MIPEP: variants seen among roughly 807,000 people sequenced by gnomAD.
MIPEP encodes the protein mitochondrial intermediate peptidase.
In MIPEP, 79 loss-of-function variants were observed where a neutral mutation model predicts 90.3. That is an observed-to-expected ratio of 0.87 (90% confidence interval 0.73 to 1.05). MIPEP has a LOEUF of 1.05. Among genes scored for constraint, MIPEP ranks in the 50% least tolerant of loss-of-function variants. The probability of loss-of-function intolerance (pLI) is 0.00; values close to 1 mark genes in which losing one functional copy is unlikely to be tolerated. For synonymous variants in MIPEP, 334 were observed against 315.8 expected, an observed-to-expected ratio of 1.06 and a Z score of -0.61; for missense variants, 940 against 905.6, an observed-to-expected ratio of 1.04 and a Z score of -0.49.
At chr13:23,852,100 C>CA (rs1374645279) in intron 10 of MIPEP, among the ~76,000 whole-genome samples, 2 of 151,974 alleles carry the variant, frequency 1.3e-5, no homozygotes, top group African/African-American at 4.8e-5. Flanking sequence ...GATAATATGA[C>CA]AAAAAAGAGA....
intron 14 of MIPEP, among the ~76,000 whole-genome samples, chr13:23,817,166 CT>C (rs1157996403): frequency 6.6e-6 from 1 of 152,226 alleles, no homozygotes; most frequent in Non-Finnish European, 1.5e-5. Context: ...ACAGTTCAGA[CT>C]TTCATTAAGT....
intron 18 of MIPEP, among the ~76,000 whole-genome samples, chr13:23,749,119 T>C (rs1373501194): frequency 1.3e-5 from 2 of 152,210 alleles, no homozygotes; most frequent in Admixed American, 6.5e-5. Flanking sequence ...TATAAGACAA[T>C]GTAAAACGCC....
chr13:23,780,972 G>A (rs1331947432), intron 16 of MIPEP, among the ~76,000 whole-genome samples: 1 of 152,290 alleles, frequency 6.6e-6, no homozygotes, highest in South Asian at 2.1e-4. Context: ...CCAAATCTAC[G>A]TCTGATTGGT....
chr13:23,853,030 T>C (rs558873393), intron 10 of MIPEP, among the ~76,000 whole-genome samples: 16 of 152,334 alleles, frequency 1.1e-4, no homozygotes, highest in Non-Finnish European at 2.2e-4. Flanking sequence ...TGTTCATCTA[T>C]ACAATGTGCT....
chr13:23,762,099 T>C (rs917848982), intron 16 of MIPEP, among the ~76,000 whole-genome samples: 30 of 151,934 alleles, frequency 2.0e-4, no homozygotes, highest in African/African-American at 7.0e-4. Flanking sequence ...CACTCCAGCC[T>C]AGGCGACAGA....
intron 14 of MIPEP, among the ~76,000 whole-genome samples, chr13:23,812,909 T>C (rs966829835): frequency 6.6e-6 from 1 of 152,152 alleles, no homozygotes; most frequent in Non-Finnish European, 1.5e-5. Flanking sequence ...ACAATCCTAG[T>C]AGAATAGTGC....
At chr13:23,802,179 A>T (rs1459691824) in intron 16 of MIPEP, among the ~76,000 whole-genome samples, 1 of 152,160 alleles carries the variant, frequency 6.6e-6, no homozygotes, top group African/African-American at 2.4e-5. Context: ...GGAGTATTGT[A>T]ATGTGGTTTT....
At chr13:23,772,023 T>C (rs1393624557) in intron 16 of MIPEP, among the ~76,000 whole-genome samples, 3 of 151,576 alleles carry the variant, frequency 2.0e-5, no homozygotes, top group Non-Finnish European at 1.5e-5. Flanking sequence ...AAAAACAACT[T>C]CACCTCCAGG....
intron 16 of MIPEP, among the ~76,000 whole-genome samples, chr13:23,786,681 T>A (rs142410258): frequency 6.6e-6 from 1 of 152,144 alleles, no homozygotes; most frequent in Admixed American, 6.5e-5. Flanking sequence ...TTACTAGTAA[T>A]ACATGAATTG....
At position 23,882,740 on chromosome 13, in the gene MIPEP, A is replaced by C. The variant is rs181948461; in HGVS notation, c.364-953T>G. On this transcript the variant is annotated intron_variant, in intron 2 of 18. Transcript: ENST00000382172. ...AAATTTCTTAATTTTATTATCAAAT[A>C]GTTTTTAATGCCAAAACATTTAAAT... Among the ~76,000 whole-genome samples the C allele has an allele frequency of 2.0e-3, 306 of 152,354 alleles. 1 individual carries two copies. Among genetic ancestry groups the C allele is most frequent in the African/African-American group, 7.1e-3 (294 of 41,582 alleles).
chr13:23,804,118 C>T (rs528643686), intron 16 of MIPEP, among the ~76,000 whole-genome samples: 1 of 152,160 alleles, frequency 6.6e-6, no homozygotes, highest in Non-Finnish European at 1.5e-5. Flanking sequence ...TTGGTTGCCA[C>T]TAATACTTCA....
At chr13:23,743,555 A>C (rs542630828) in intron 18 of MIPEP, among the ~76,000 whole-genome samples, 1 of 152,244 alleles carries the variant, frequency 6.6e-6, no homozygotes, top group South Asian at 2.1e-4. Context: ...CGGCATTCAC[A>C]TATGAGGCTC....
At chr13:23,755,601 A>T (rs1171127323) in intron 18 of MIPEP, among the ~76,000 whole-genome samples, 1 of 152,234 alleles carries the variant, frequency 6.6e-6, no homozygotes, top group East Asian at 1.9e-4. Context: ...ATAACCATCA[A>T]TATATTGCAA....
At chr13:23,766,558 C>T (rs926002542) in intron 16 of MIPEP, among the ~76,000 whole-genome samples, 1 of 152,258 alleles carries the variant, frequency 6.6e-6, no homozygotes, top group Admixed American at 6.5e-5. Flanking sequence ...CTATTTGCCT[C>T]ACACATCCAT....
At chr13:23,760,988 G>C (rs1297904676) in intron 16 of MIPEP, among the ~76,000 whole-genome samples, 21 of 152,068 alleles carry the variant, frequency 1.4e-4, no homozygotes, top group Non-Finnish European at 2.5e-4. Context: ...TCATGAACTA[G>C]TTTTTGTAAC....
intron 18 of MIPEP, among the ~76,000 whole-genome samples, chr13:23,736,595 C>T (rs897197894): frequency 2.0e-5 from 3 of 152,130 alleles, no homozygotes; most frequent in African/African-American, 4.8e-5. Flanking sequence ...AGTCTTAAAA[C>T]GGCAGGGTTT....
intron 2 of MIPEP, among the ~76,000 whole-genome samples, chr13:23,884,562 C>T (rs1871396011): frequency 6.6e-6 from 1 of 152,136 alleles, no homozygotes; most frequent in Non-Finnish European, 1.5e-5. Context: ...CAGCTGACAG[C>T]GGGCACATCC....
At chr13:23,796,588 A>AC (rs1426685140) in intron 16 of MIPEP, among the ~76,000 whole-genome samples, 1 of 151,894 alleles carries the variant, frequency 6.6e-6, no homozygotes, top group East Asian at 1.9e-4. Context: ...CTACTAAAAA[A>AC]AAAAAACAAA....
At chr13:23,773,065 T>C (rs1343224800) in intron 16 of MIPEP, among the ~76,000 whole-genome samples, 2 of 152,180 alleles carry the variant, frequency 1.3e-5, no homozygotes, top group African/African-American at 4.8e-5. Context: ...TGTGCAACCA[T>C]CGTCACTAAC....
Sources: gnomAD v4.1 joint callset for allele counts (sites outside exome capture counted in the v4.1 genomes callset) on GRCh38, gnomAD v4.1.1 for gene constraint, MANE v1.5 for transcripts, NCBI Gene and HGNC (gene_info 2026-07-23, HGNC 2026-07-21) for gene names.